The following C8orf34 variants were observed in gnomAD, a reference collection of about 807,000 sequenced individuals.
The protein encoded by C8orf34 is uncharacterized protein C8orf34.
In C8orf34, 65 loss-of-function variants were observed where a neutral mutation model predicts 68.3. The observed-to-expected ratio is 0.95, with a 90% CI of 0.78 to 1.17. C8orf34 has a LOEUF of 1.17. C8orf34 is among the 50% of genes most tolerant of loss of function. The pLI, the probability that C8orf34 is intolerant of heterozygous loss-of-function variation, is 0.00. For missense variants in C8orf34, 664 were observed against 655.4 expected (o/e 1.01, Z -0.14); for synonymous variants, 244 against 241.2 (o/e 1.01, Z -0.11).
At chr8:68,421,488 TC>T (rs762041489) in intron 1 of C8orf34, among the ~76,000 whole-genome samples, 27 of 152,188 alleles carry the variant, frequency 1.8e-4, no homozygotes, top group Non-Finnish European at 2.6e-4. Context: ...AAGCCCCAAC[TC>T]CTACTGTACA....
At chr8:68,810,537 T>C (rs1585918178) in intron 12 of C8orf34, among the ~76,000 whole-genome samples, 1 of 152,136 alleles carries the variant, frequency 6.6e-6, no homozygotes, top group Non-Finnish European at 1.5e-5. Flanking sequence ...CGCAAGGTGG[T>C]GAGTGAGGGG....
At chr8:68,701,403 T>TA (rs904589432) in intron 8 of C8orf34, among the ~76,000 whole-genome samples, 1 of 152,130 alleles carries the variant, frequency 6.6e-6, no homozygotes, top group African/African-American at 2.4e-5. Flanking sequence ...ATTTTAAACT[T>TA]ACCATATCCC....
chr8:68,686,454 A>G (rs915653496), intron 8 of C8orf34, among the ~76,000 whole-genome samples: 1 of 152,074 alleles, frequency 6.6e-6, no homozygotes, highest in Non-Finnish European at 1.5e-5. Context: ...GGGTTCATGC[A>G]GACATTCAGG....
intron 12 of C8orf34, among the ~76,000 whole-genome samples, chr8:68,800,391 C>A (rs1422067788): frequency 6.6e-6 from 1 of 152,074 alleles, no homozygotes; most frequent in African/African-American, 2.4e-5. Context: ...AGCTATCTAT[C>A]TTCTTTATTA....
At chr8:68,507,162 G>T (rs930447849) in intron 5 of C8orf34, among the ~76,000 whole-genome samples, 5 of 152,074 alleles carry the variant, frequency 3.3e-5, no homozygotes, top group African/African-American at 1.2e-4. Context: ...TTATTGAATT[G>T]ATTCCTTGGC....
intron 7 of C8orf34, among the ~76,000 whole-genome samples, chr8:68,572,753 G>T (rs1016886746): frequency 3.3e-5 from 5 of 152,070 alleles, no homozygotes; most frequent in Non-Finnish European, 1.5e-5. Context: ...TTTATGCCTG[G>T]TGTTTAGTTC....
intron 3 of C8orf34, among the ~76,000 whole-genome samples, chr8:68,457,854 C>T (rs2129628362): frequency 6.6e-6 from 1 of 152,134 alleles, no homozygotes; most frequent in African/African-American, 2.4e-5. Flanking sequence ...TTCATTTTCC[C>T]TGTGGATATT....
chr8:68,527,942 T>A (rs935134975), intron 6 of C8orf34, among the ~76,000 whole-genome samples: 1 of 152,108 alleles, frequency 6.6e-6, no homozygotes, highest in Non-Finnish European at 1.5e-5. Context: ...GTGTCATCCT[T>A]TATCGTCTGC....
chr8:68,573,434 C>T (rs1563538131), intron 7 of C8orf34, among the ~76,000 whole-genome samples: 1 of 152,136 alleles, frequency 6.6e-6, no homozygotes, highest in Non-Finnish European at 1.5e-5. Flanking sequence ...CAGATCCAGT[C>T]TGCAGCTTAG....
intron 12 of C8orf34, among the ~76,000 whole-genome samples, chr8:68,801,753 T>C (rs1025954295): frequency 1.3e-5 from 2 of 152,184 alleles, no homozygotes; most frequent in Non-Finnish European, 1.5e-5. Flanking sequence ...ATCTATCTAA[T>C]GGAAAGAGGA....
At chr8:68,767,951 T>C (rs528064260) in intron 10 of C8orf34, among the ~76,000 whole-genome samples, 1 of 152,368 alleles carries the variant, frequency 6.6e-6, no homozygotes, top group East Asian at 1.9e-4. Context: ...TAAGAAATCC[T>C]TTCCCTCACT....
chr8:68,566,437 G>T (rs1816591069), intron 7 of C8orf34, among the ~76,000 whole-genome samples: 1 of 152,168 alleles, frequency 6.6e-6, no homozygotes, highest in Non-Finnish European at 1.5e-5. Flanking sequence ...GTTCAGTGTA[G>T]CCACCTTCTT....
chr8:68,691,150 CTTTG>C (rs1820673815), intron 8 of C8orf34, among the ~76,000 whole-genome samples: 2 of 152,010 alleles, frequency 1.3e-5, no homozygotes. Context: ...TTCAGGCATA[CTTTG>C]TTTTAGTGAC....
chr8:68,539,342 G>T (rs1815612805), intron 7 of C8orf34, among the ~76,000 whole-genome samples: 1 of 152,188 alleles, frequency 6.6e-6, no homozygotes, highest in South Asian at 2.1e-4. Flanking sequence ...TAACTTTATT[G>T]TAGTTTTATT....
chr8:68,430,810 C>T (rs1035179422), intron 1 of C8orf34, among the ~76,000 whole-genome samples: 2 of 152,188 alleles, frequency 1.3e-5, no homozygotes, highest in African/African-American at 4.8e-5. Context: ...TGTGACAAGT[C>T]GTTTCCTTAT....
chr8:68,677,356 C>T (rs986367526), intron 8 of C8orf34, among the ~76,000 whole-genome samples: 2 of 151,980 alleles, frequency 1.3e-5, no homozygotes, highest in African/African-American at 4.8e-5. Context: ...CCTAATGATG[C>T]ATCTTTTTTT....
At chr8:68,451,779 C>T (rs749551283) in intron 3 of C8orf34, among the ~76,000 whole-genome samples, 16 of 151,688 alleles carry the variant, frequency 1.1e-4, no homozygotes, top group Non-Finnish European at 8.8e-5. Context: ...TGAGATTTAC[C>T]AAAATATTAC....
At chr8:68,598,217 C>T (rs1297615543) in intron 7 of C8orf34, among the ~76,000 whole-genome samples, 1 of 152,100 alleles carries the variant, frequency 6.6e-6, no homozygotes, top group Non-Finnish European at 1.5e-5. Context: ...TAATGCAGCA[C>T]AGATCAAAAT....
At chr8:68,708,711 C>T (rs1014476503) in intron 8 of C8orf34, among the ~76,000 whole-genome samples, 4 of 152,110 alleles carry the variant, frequency 2.6e-5, no homozygotes, top group African/African-American at 4.8e-5. Flanking sequence ...AGTGAAAATA[C>T]GTGCTTCTAA....
Sources: gnomAD v4.1 joint callset for allele counts (sites outside exome capture counted in the v4.1 genomes callset) on GRCh38, gnomAD v4.1.1 for gene constraint, MANE v1.5 for transcripts, NCBI Gene and HGNC (gene_info 2026-07-23, HGNC 2026-07-21) for gene names.